MCTP1: variants seen among roughly 807,000 people sequenced by gnomAD.
MCTP1 encodes the protein multiple C2 and transmembrane domain-containing protein 1.
MCTP1 carries 69 observed loss-of-function variants against 120.6 expected under a neutral mutation model. The observed-to-expected ratio is 0.57, with a 90% CI of 0.47 to 0.70. MCTP1 has a LOEUF of 0.70. Ranked by LOEUF, MCTP1 falls within the 30% of genes least tolerant of loss-of-function variation. The probability of loss-of-function intolerance (pLI) is 0.00; values close to 1 mark genes in which losing one functional copy is unlikely to be tolerated. For synonymous variants in MCTP1, 529 were observed against 493.1 expected (o/e 1.07, Z -0.96); for missense variants, 1,203 against 1,248.8 (o/e 0.96, Z 0.55).
chr5:94,953,734 C>G (rs1468820471), intron 2 of MCTP1, among the ~76,000 whole-genome samples: 1 of 146,162 alleles, frequency 6.8e-6, no homozygotes, highest in African/African-American at 2.5e-5. Flanking sequence ...AATCAACAGA[C>G]TATTGGGCTA....
chr5:94,984,544 A>G (rs1289112555), intron 2 of MCTP1, among the ~76,000 whole-genome samples: 1 of 152,188 alleles, frequency 6.6e-6, no homozygotes, highest in African/African-American at 2.4e-5. Flanking sequence ...ATGAAATTTG[A>G]TGTTATAATA....
intron 17 of MCTP1, among the ~76,000 whole-genome samples, chr5:94,822,305 C>A (rs1295650983): frequency 6.6e-6 from 1 of 152,040 alleles, no homozygotes; most frequent in Non-Finnish European, 1.5e-5. Context: ...TGAGAACATG[C>A]GGTGTTTGGT....
chr5:94,817,643 G>GTAGT (rs1264890564), intron 17 of MCTP1, among the ~76,000 whole-genome samples: 1 of 152,126 alleles, frequency 6.6e-6, no homozygotes, highest in Non-Finnish European at 1.5e-5. Context: ...TAGGTATATT[G>GTAGT]TAGTTGTACT....
intron 1 of MCTP1, among the ~76,000 whole-genome samples, chr5:95,253,061 T>C (rs933384538): frequency 3.9e-5 from 6 of 152,152 alleles, no homozygotes; most frequent in Non-Finnish European, 4.4e-5. Flanking sequence ...GAGCCAATGC[T>C]GTCTAACATA....
intron 1 of MCTP1, among the ~76,000 whole-genome samples, chr5:95,210,724 T>C (rs1426894512): frequency 6.6e-6 from 1 of 152,110 alleles, no homozygotes; most frequent in African/African-American, 2.4e-5. Flanking sequence ...ATTATGATGT[T>C]AGCTGGTTAT....
At chr5:95,203,094 T>C (rs1381619856) in intron 1 of MCTP1, among the ~76,000 whole-genome samples, 1 of 152,202 alleles carries the variant, frequency 6.6e-6, no homozygotes, top group South Asian at 2.1e-4. Flanking sequence ...TTTCCTCTGC[T>C]TCACCACTTC....
chr5:95,156,188 A>G (rs547695847), intron 1 of MCTP1, among the ~76,000 whole-genome samples: 2 of 152,324 alleles, frequency 1.3e-5, no homozygotes, highest in African/African-American at 4.8e-5. Flanking sequence ...GATTCCAAAC[A>G]AAAGATTCAG....
intron 1 of MCTP1, chr5:95,081,648 A>G: frequency 7.5e-7 from 1 of 1,329,402 alleles, no homozygotes. Context: ...CTTGGAATGA[A>G]AGTAAGAAGA....
intron 2 of MCTP1, among the ~76,000 whole-genome samples, chr5:95,008,683 T>G (rs1835256069): frequency 6.6e-6 from 1 of 152,176 alleles, no homozygotes; most frequent in Admixed American, 6.6e-5. Context: ...GTTAAAGATC[T>G]TGATGAGATC....
At chr5:94,983,635 A>G (rs1401431472) in intron 2 of MCTP1, among the ~76,000 whole-genome samples, 2 of 140,618 alleles carry the variant, frequency 1.4e-5, no homozygotes. Flanking sequence ...CTGAGATCCT[A>G]TCTTTATCTG....
intron 1 of MCTP1, among the ~76,000 whole-genome samples, chr5:95,221,358 C>A (rs936100780): frequency 2.0e-5 from 3 of 152,140 alleles, no homozygotes; most frequent in African/African-American, 7.2e-5. Context: ...TTTTCATAAG[C>A]CTAAATTTGC....
At chr5:95,212,846 T>G (rs1368125267) in intron 1 of MCTP1, among the ~76,000 whole-genome samples, 1 of 152,276 alleles carries the variant, frequency 6.6e-6, no homozygotes, top group African/African-American at 2.4e-5. Flanking sequence ...ATAAATTAGG[T>G]ATTCACGGGA....
intron 3 of MCTP1, among the ~76,000 whole-genome samples, chr5:94,950,946 C>CAA (rs1186726298): frequency 2.3e-3 from 245 of 107,398 alleles, no homozygotes; most frequent in Admixed American, 4.3e-3. Flanking sequence ...GACTCTGTCT[C>CAA]AAAAAAAAAA....
chr5:94,737,944 G>T (rs1764643413), intron 19 of MCTP1, among the ~76,000 whole-genome samples: 1 of 152,214 alleles, frequency 6.6e-6, no homozygotes, highest in Non-Finnish European at 1.5e-5. Flanking sequence ...CTCCCAGAGT[G>T]CTGGGATTGC....
chr5:94,986,818 A>G (rs546240596), intron 2 of MCTP1, among the ~76,000 whole-genome samples: 3 of 151,918 alleles, frequency 2.0e-5, no homozygotes, highest in Non-Finnish European at 4.4e-5. Context: ...GCCTAGGTCC[A>G]TTTGTGTTTG....
chr5:95,173,871 A>G (rs534422726), intron 1 of MCTP1, among the ~76,000 whole-genome samples: 3 of 70,156 alleles, frequency 4.3e-5, no homozygotes, highest in East Asian at 4.5e-4. Context: ...AGAGAGAGAT[A>G]AGAAACAAAT....
rs2153400353 is a variant in MCTP1 at position 94,893,803 on chromosome 5, G to A, written c.1839+846C>T. ...TTCTTTGTTAGAGCTTGGTTTCATG[G>A]CTGAGTGTCTAGAGGAGCCTTCTAA... On this transcript the variant is annotated intron_variant, in intron 11 of 22. Coordinates refer to ENST00000515393, the MANE Select transcript of MCTP1 (RefSeq NM_024717.7). Among the ~76,000 whole-genome samples the A allele has an allele frequency of 2.0e-5, 3 of 152,292 alleles. No homozygotes were observed. The South Asian group carries it at 6.2e-4, about 32-fold the overall frequency.
intron 1 of MCTP1, among the ~76,000 whole-genome samples, chr5:95,261,835 T>C (rs1758497331): frequency 6.6e-6 from 1 of 152,176 alleles, no homozygotes; most frequent in African/African-American, 2.4e-5. Context: ...GATACACCCA[T>C]GAGGAAGTAA....
chr5:94,973,783 G>C (rs182828136), intron 2 of MCTP1, among the ~76,000 whole-genome samples: 1 of 152,058 alleles, frequency 6.6e-6, no homozygotes, highest in Non-Finnish European at 1.5e-5. Flanking sequence ...GGGATGAAAA[G>C]GCTCATGACC....
Sources: gnomAD v4.1 joint callset for allele counts (sites outside exome capture counted in the v4.1 genomes callset) on GRCh38, gnomAD v4.1.1 for gene constraint, MANE v1.5 for transcripts, NCBI Gene and HGNC (gene_info 2026-07-23, HGNC 2026-07-21) for gene names.